Variants in NRCAM observed in about 807,000 individuals in gnomAD.
NRCAM encodes the protein neuronal cell adhesion molecule, also known as NgCAM-related cell adhesion molecule.
Under a neutral mutation model 156.5 loss-of-function variants are expected in NRCAM, and 83 were observed. The ratio of observed to expected loss-of-function variants is 0.53; its 90% CI spans 0.44 to 0.64. The LOEUF (loss-of-function observed/expected upper bound fraction) is 0.64. Ranked by LOEUF, NRCAM falls within the 30% of genes least tolerant of loss-of-function variation. The probability of loss-of-function intolerance (pLI) is 0.00; values close to 1 mark genes in which losing one functional copy is unlikely to be tolerated. For missense variants in NRCAM, 1,417 were observed against 1,597.3 expected (o/e 0.89, Z 1.92); for synonymous variants, 538 against 563.9 (o/e 0.95, Z 0.65).
Position 108,148,192 on chromosome 7 carries a change from G to A in NRCAM, c.*1718C>T, listed in dbSNP as rs981061239. ...ATACGTAGAAAAGTTCACTATTTCA[G>A]TTTCACAGCAAAAAAGGTGGGGGGA... On this transcript the variant is annotated 3_prime_UTR_variant, in exon 33 of 33. Coordinates refer to ENST00000379028, the MANE Select transcript of NRCAM (RefSeq NM_001037132.4). 2.0e-5 allele frequency: 3 copies of A among 152,496 alleles called. No individual in the cohort carries two copies. The highest frequency in any genetic ancestry group is 2.9e-5 in the Non-Finnish European group (2 of 68,034). 9.4% of individuals were successfully genotyped at this position (152,496 alleles called of 1,614,324 possible).
At chr7:108,337,379 A>G (rs2099208902) in intron 2 of NRCAM, among the ~76,000 whole-genome samples, 1 of 151,774 alleles carries the variant, frequency 6.6e-6, no homozygotes, top group African/African-American at 2.4e-5. Flanking sequence ...CATGTTTGTT[A>G]CGGCTCGAGC....
intron 3 of NRCAM, among the ~76,000 whole-genome samples, chr7:108,264,202 C>T (rs886162456): frequency 6.6e-6 from 1 of 152,164 alleles, no homozygotes; most frequent in African/African-American, 2.4e-5. Context: ...TCTTGAACTC[C>T]TGACCTCAAA....
intron 11 of NRCAM, among the ~76,000 whole-genome samples, chr7:108,218,542 C>T (rs1033006597): frequency 6.6e-6 from 1 of 152,124 alleles, no homozygotes; most frequent in Non-Finnish European, 1.5e-5. Context: ...AAGTGGAAAT[C>T]AACTCCAAAA....
At chr7:108,371,892 C>T (rs1193674293) in intron 2 of NRCAM, among the ~76,000 whole-genome samples, 1 of 152,002 alleles carries the variant, frequency 6.6e-6, no homozygotes, top group Non-Finnish European at 1.5e-5. Context: ...CATGGAGCCA[C>T]AAAAGATCAT....
chr7:108,306,436 A>C (rs1271897293), intron 3 of NRCAM, among the ~76,000 whole-genome samples: 1 of 152,186 alleles, frequency 6.6e-6, no homozygotes, highest in Non-Finnish European at 1.5e-5. Context: ...AAGGCACAGC[A>C]GGCAATGCCA....
intron 2 of NRCAM, among the ~76,000 whole-genome samples, chr7:108,355,569 A>G (rs1205481973): frequency 6.6e-6 from 1 of 152,216 alleles, no homozygotes; most frequent in Non-Finnish European, 1.5e-5. Flanking sequence ...TATTAAATGG[A>G]AAGTTCCAGA....
intron 13 of NRCAM, among the ~76,000 whole-genome samples, chr7:108,205,296 T>G (rs2080511289): frequency 1.3e-5 from 2 of 152,236 alleles, no homozygotes. Context: ...TCTTGGACTT[T>G]CCAGCCTCCA....
At position 108,302,479 on chromosome 7, in the gene NRCAM, T is replaced by C. The variant is rs1592441500; in HGVS notation, c.-107+10186A>G. ...AGTTATCACTGCTGCCAACCCTGTT[T>C]TGTGAATTCCATTTAAGATGTCCAA... On this transcript the variant is annotated intron_variant, in intron 3 of 32. Transcript: ENST00000379028. Among the ~76,000 whole-genome samples the C allele has an allele frequency of 1.3e-5, 2 of 152,312 alleles. 1 individual carries two copies. Among genetic ancestry groups the C allele is most frequent in the South Asian group, 4.1e-4 (2 of 4,820 alleles).
At chr7:108,424,145 C>G (rs1813936121) in intron 1 of NRCAM, among the ~76,000 whole-genome samples, 1 of 152,176 alleles carries the variant, frequency 6.6e-6, no homozygotes, top group Non-Finnish European at 1.5e-5. Context: ...CCCTTCACAG[C>G]CAGAAATCTT....
chr7:108,233,852 T>C (rs17155253), intron 6 of NRCAM, among the ~76,000 whole-genome samples: 1 of 152,138 alleles, frequency 6.6e-6, no homozygotes, highest in Non-Finnish European at 1.5e-5. Flanking sequence ...TGACTGGACA[T>C]GTTACAGATC....
At chr7:108,234,892 T>C (rs2094761044) in intron 5 of NRCAM, 1 of 724,610 alleles carries the variant, frequency 1.4e-6, no homozygotes, top group Non-Finnish European at 2.5e-6. Context: ...TAACTTTCTT[T>C]CGGTAACTAT....
chr7:108,184,221 T>G lies in NRCAM; in HGVS notation c.2304+20A>C, dbSNP rs2065300386. 1 of 1,597,068 alleles carries G rather than the reference T, an allele frequency of 6.3e-7. No individual in the cohort carries two copies. The highest frequency in any genetic ancestry group is 1.1e-5 in the South Asian group (1 of 90,134). ...TCACTCTAAAAAATAGCGAATAAAT[T>G]TGAAGGCATCATAGCTCACCTTCCA... On this transcript the variant is annotated intron_variant, in intron 22 of 32. Coordinates refer to ENST00000379028, the MANE Select transcript of NRCAM (RefSeq NM_001037132.4).
intron 8 of NRCAM, among the ~76,000 whole-genome samples, chr7:108,230,136 C>T (rs2094124359): frequency 6.6e-6 from 1 of 152,118 alleles, no homozygotes; most frequent in Non-Finnish European, 1.5e-5. Flanking sequence ...TTCCTCCCCG[C>T]CATGGGTTTC....
At chr7:108,447,970 T>C (rs574121837) in intron 1 of NRCAM, among the ~76,000 whole-genome samples, 12 of 152,342 alleles carry the variant, frequency 7.9e-5, no homozygotes, top group East Asian at 5.8e-4. Flanking sequence ...CCTTTAGAGG[T>C]AATGAGTCTG....
intron 3 of NRCAM, among the ~76,000 whole-genome samples, chr7:108,247,113 T>A (rs760121775): frequency 6.6e-6 from 1 of 152,042 alleles, no homozygotes; most frequent in Non-Finnish European, 1.5e-5. Context: ...CAGCCAAAAA[T>A]AGCTGAGCCA....
At chr7:108,298,039 C>T (rs1347071440) in intron 3 of NRCAM, among the ~76,000 whole-genome samples, 1 of 152,132 alleles carries the variant, frequency 6.6e-6, no homozygotes, top group African/African-American at 2.4e-5. Flanking sequence ...CAGGACAGGG[C>T]TTTGGCTTTG....
chr7:108,246,364 G>A (rs2095918339), intron 3 of NRCAM, among the ~76,000 whole-genome samples: 1 of 152,214 alleles, frequency 6.6e-6, no homozygotes. Flanking sequence ...TTGGCTGCTT[G>A]TGAGGCACTG....
intron 3 of NRCAM, among the ~76,000 whole-genome samples, chr7:108,252,018 A>T (rs554982666): frequency 1.3e-5 from 2 of 152,318 alleles, no homozygotes; most frequent in African/African-American, 4.8e-5. Context: ...AAATGAAAGG[A>T]TTGGGTAAAG....
intron 2 of NRCAM, among the ~76,000 whole-genome samples, chr7:108,368,227 C>CT: frequency 1.0e-5 from 1 of 99,150 alleles, no homozygotes; most frequent in African/African-American, 3.6e-5. Flanking sequence ...CTTTCATACC[C>CT]CCCCCCACCC....
Sources: allele counts gnomAD v4.1 joint callset (sites outside exome capture counted in the v4.1 genomes callset), GRCh38; gene constraint gnomAD v4.1.1; transcripts MANE v1.5; gene names NCBI Gene and HGNC (gene_info 2026-07-23, HGNC 2026-07-21).